PTPRN2: variants seen among roughly 807,000 people sequenced by gnomAD.
PTPRN2 encodes the protein receptor-type tyrosine-protein phosphatase N2.
A neutral mutation model predicts 118.8 loss-of-function variants in PTPRN2; 74 were observed. That is an observed-to-expected ratio of 0.62 (90% confidence interval 0.52 to 0.76). PTPRN2 has a LOEUF of 0.76. PTPRN2 is among the 30% of genes least tolerant of loss of function. The pLI is 0.00. For synonymous variants in PTPRN2, 641 were observed against 608.0 expected, an observed-to-expected ratio of 1.05 and a Z score of -0.80; for missense variants, 1,481 against 1,394.4, an observed-to-expected ratio of 1.06 and a Z score of -0.99.
intron 11 of PTPRN2, among the ~76,000 whole-genome samples, chr7:158,010,844 GC>G (rs1211292934): frequency 1.3e-5 from 2 of 152,108 alleles, no homozygotes; most frequent in East Asian, 3.8e-4. Flanking sequence ...GAGGCCTTGG[GC>G]CCCCCATGGA....
intron 10 of PTPRN2, among the ~76,000 whole-genome samples, chr7:158,102,244 G>A (rs778341847): frequency 2.9e-4 from 44 of 152,312 alleles, no homozygotes; most frequent in Non-Finnish European, 5.3e-4. Flanking sequence ...GGCCTTCCAC[G>A]TGCTGGACAG....
chr7:158,151,862 G>T (rs1441266579), intron 6 of PTPRN2, among the ~76,000 whole-genome samples: 1 of 152,158 alleles, frequency 6.6e-6, no homozygotes, highest in Non-Finnish European at 1.5e-5. Flanking sequence ...ATGTTAGAAG[G>T]AACAGGAAAC....
At chr7:157,697,277 C>A (rs1278124900) in intron 12 of PTPRN2, among the ~76,000 whole-genome samples, 1 of 144,754 alleles carries the variant, frequency 6.9e-6, no homozygotes, top group Non-Finnish European at 1.5e-5. Flanking sequence ...GCAGATTCCT[C>A]ACCATCTACC....
intron 14 of PTPRN2, among the ~76,000 whole-genome samples, chr7:157,644,195 A>T (rs942745481): frequency 4.6e-5 from 7 of 152,222 alleles, no homozygotes; most frequent in Non-Finnish European, 1.0e-4. Flanking sequence ...GCCCCAGACC[A>T]ATCTGAGTGA....
In PTPRN2 at chr7:157,901,249, T is replaced by C. The variant is rs373752091; in HGVS notation, c.1724-2512A>G. Among the ~76,000 whole-genome samples, 63 of 151,582 alleles carry C rather than the reference T, an allele frequency of 4.2e-4. No homozygotes were observed. In the East Asian group the frequency reaches 0.011, roughly 27 times the overall value. ...GGATCTGCCCCGCCCCATCTGTCCCTCCCCCACATCCAAAGCCCTCCCACC... is the reference window on the plus strand; with the variant it reads ...GGATCTGCCCCGCCCCATCTGTCCCCCCCCCACATCCAAAGCCCTCCCACC... On this transcript the variant is annotated intron_variant, in intron 11 of 22. Transcript: ENST00000389418.
intron 3 of PTPRN2, among the ~76,000 whole-genome samples, chr7:158,249,183 A>G (rs955018810): frequency 4.6e-5 from 7 of 152,086 alleles, no homozygotes; most frequent in African/African-American, 1.2e-4. Context: ...CAGCACACAC[A>G]CGAACACACA....
In PTPRN2 at chr7:157,787,730, T is replaced by C. The variant is rs1374928537; in HGVS notation, c.1789-104793A>G. Among the ~76,000 whole-genome samples the C allele has an allele frequency of 3.3e-5, 5 of 151,382 alleles. No homozygotes were observed. The highest frequency in any genetic ancestry group is 7.4e-5 in the Non-Finnish European group (5 of 67,820). ...CTGGTGCCATCTGGGTCCCCTGGGG[T>C]GGTGGCTGGGTGAGCCCAGCCCCAT... On this transcript the variant is annotated intron_variant, in intron 12 of 22. Coordinates refer to ENST00000389418, the MANE Select transcript of PTPRN2 (RefSeq NM_002847.5). This position sits in a 1 kb window ranked among gnomAD's most constrained non-coding sequence, Gnocchi z 5.3.
chr7:157,644,239 C>T (rs2150703038), intron 14 of PTPRN2, among the ~76,000 whole-genome samples: 1 of 152,332 alleles, frequency 6.6e-6, no homozygotes, highest in South Asian at 2.1e-4. Flanking sequence ...TGTGCTCCCA[C>T]AGACGAAAGG....
chr7:157,685,564 G>T (rs1346980104), intron 12 of PTPRN2, among the ~76,000 whole-genome samples: 5 of 152,230 alleles, frequency 3.3e-5, no homozygotes, highest in South Asian at 4.1e-4. Context: ...GCGGGGGCCG[G>T]AGGAGGAGGC....
chr7:157,999,647 G>A (rs1484909029), intron 11 of PTPRN2, among the ~76,000 whole-genome samples: 1 of 152,140 alleles, frequency 6.6e-6, no homozygotes, highest in East Asian at 1.9e-4. Context: ...AGACCAGGGG[G>A]AAGAGGTGCT....
rs531481491 is a variant in PTPRN2 at position 157,904,611 on chromosome 7, G to A, written c.1724-5874C>T. 6.6e-5 allele frequency among the ~76,000 whole-genome samples: 10 copies of A among 152,352 alleles called. No homozygotes were observed. The South Asian group carries it at 1.2e-3, about 19-fold the overall frequency. Reference sequence around the variant, plus strand: ...CTTTGGAGATTGCTGAGTGCTTTTCGGGGGCGTCTACGCGTTCCCTTGGCG... The same window carrying A: ...CTTTGGAGATTGCTGAGTGCTTTTCAGGGGCGTCTACGCGTTCCCTTGGCG... On this transcript the variant is annotated intron_variant, in intron 11 of 22. Coordinates refer to ENST00000389418, the MANE Select transcript of PTPRN2 (RefSeq NM_002847.5).
intron 1 of PTPRN2, among the ~76,000 whole-genome samples, chr7:158,522,863 CTG>C (rs1244096665): frequency 6.6e-6 from 1 of 152,168 alleles, no homozygotes; most frequent in East Asian, 1.9e-4. Flanking sequence ...ACACTTGCTT[CTG>C]TGTGTGGCAG....
At chr7:158,142,278 C>T (rs1244086456) in intron 6 of PTPRN2, among the ~76,000 whole-genome samples, 4 of 152,228 alleles carry the variant, frequency 2.6e-5, no homozygotes, top group Non-Finnish European at 5.9e-5. Flanking sequence ...AAGGACCAGA[C>T]ACGGGCAGCC....
chr7:157,780,442 C>T lies in PTPRN2; in HGVS notation c.1789-97505G>A, dbSNP rs186369843. ...AAGGAGGCTTGGCTGGCGGAGGGGC[C>T]GTGCTGCTGGATCAGATGGCGGAAC... is the stretch of plus-strand genomic sequence containing the variant. On this transcript the variant is annotated intron_variant, in intron 12 of 22. Transcript: ENST00000389418. This position sits in a 1 kb window ranked among gnomAD's most constrained non-coding sequence, Gnocchi z 4.5. 2.3e-3 allele frequency among the ~76,000 whole-genome samples: 347 copies of T among 152,328 alleles called. 1 individual carries two copies. The highest frequency in any genetic ancestry group is 7.7e-3 in the African/African-American group (321 of 41,572).
chr7:158,443,169 C>G (rs967963765), intron 2 of PTPRN2, among the ~76,000 whole-genome samples: 1 of 152,082 alleles, frequency 6.6e-6, no homozygotes, highest in South Asian at 2.1e-4. Context: ...GGTCACTGGG[C>G]GAGCGGGTCT....
intron 11 of PTPRN2, among the ~76,000 whole-genome samples, chr7:157,979,455 A>G (rs1802975643): frequency 6.6e-6 from 1 of 152,216 alleles, no homozygotes; most frequent in South Asian, 2.1e-4. Flanking sequence ...TGACACTGGC[A>G]ACTGCACGTT....
At chr7:158,149,898 G>C (rs960798683) in intron 6 of PTPRN2, among the ~76,000 whole-genome samples, 4 of 151,006 alleles carry the variant, frequency 2.6e-5, no homozygotes, top group Admixed American at 1.3e-4. Context: ...TGAACAAAAA[G>C]TGGCAAGAAT....
intron 2 of PTPRN2, among the ~76,000 whole-genome samples, chr7:158,332,688 C>T (rs1174598948): frequency 1.3e-5 from 2 of 148,510 alleles, no homozygotes; most frequent in African/African-American, 2.6e-5. Context: ...CACACTCTAA[C>T]CATAAGAGTT....
At chr7:158,081,988 T>C (rs992701501) in intron 10 of PTPRN2, among the ~76,000 whole-genome samples, 1 of 152,190 alleles carries the variant, frequency 6.6e-6, no homozygotes, top group Non-Finnish European at 1.5e-5. Flanking sequence ...AACTGATTAT[T>C]GTGCCTACAG....
Sources: gnomAD v4.1 joint callset for allele counts (sites outside exome capture counted in the v4.1 genomes callset) on GRCh38, gnomAD v4.1.1 for gene constraint, Gnocchi (gnomAD v3.1) non-coding constraint, MANE v1.5 for transcripts, NCBI Gene and HGNC (gene_info 2026-07-23, HGNC 2026-07-21) for gene names.